ZGPAT: variants seen among roughly 807,000 people sequenced by gnomAD.
ZGPAT encodes the protein zinc finger CCCH-type and G-patch domain containing, also known as zinc finger CCCH-type with G patch domain-containing protein.
In ZGPAT, 39 loss-of-function variants were observed where a neutral mutation model predicts 47.9. The observed-to-expected ratio is 0.81, with a 90% CI of 0.63 to 1.06. ZGPAT has a LOEUF of 1.06. Ranked by LOEUF, ZGPAT falls within the 50% of genes least tolerant of loss-of-function variation. The pLI, the probability that ZGPAT is intolerant of heterozygous loss-of-function variation, is 0.00. For missense variants in ZGPAT, 717 were observed against 681.4 expected (o/e 1.05, Z -0.58); for synonymous variants, 348 against 292.9 (o/e 1.19, Z -1.92).
intron 2 of ZGPAT, among the ~76,000 whole-genome samples, chr20:63,718,991 G>A (rs763044200): frequency 7.9e-5 from 12 of 151,868 alleles, no homozygotes; most frequent in Non-Finnish European, 1.5e-4. Context: ...GCGTGAACCC[G>A]GGAGGTGGAG....
chr20:63,719,103 C>T (rs1337745462), intron 2 of ZGPAT, among the ~76,000 whole-genome samples: 1 of 151,636 alleles, frequency 6.6e-6, no homozygotes, highest in Non-Finnish European at 1.5e-5. Context: ...GCCTTCTGGT[C>T]CAATAGTTTC....
intron 2 of ZGPAT, among the ~76,000 whole-genome samples, chr20:63,724,651 A>G (rs556154832): frequency 4.7e-5 from 7 of 148,436 alleles, no homozygotes; most frequent in African/African-American, 1.7e-4. Context: ...ATTTCCTTTT[A>G]GTCTGAAGAA....
At chr20:63,724,944 G>C (rs2091828267) in intron 2 of ZGPAT, among the ~76,000 whole-genome samples, 1 of 151,208 alleles carries the variant, frequency 6.6e-6, no homozygotes, top group Non-Finnish European at 1.5e-5. Flanking sequence ...CAAAATGCTG[G>C]GATTACCATG....
Position 63,708,821 on chromosome 20 carries a change from G to C in ZGPAT, c.241G>C (p.Ala81Pro), listed in dbSNP as rs189722588. Reference protein sequence around the residue: ...PGRQEDAEYQAFREAITEAVE... With the variant: ...PGRQEDAEYQPFREAITEAVE... ...CCGCCAGGAAGATGCTGAGTACCAG[G>C]CTTTCCGGGAGGCCATCACTGAGGC... Residue 81 changes from alanine (A) to proline (P), a missense_variant, in exon 2 of 7, where the codon GCT (alanine) becomes CCT (proline). Transcript: ENST00000355969. 3.1e-4 allele frequency: 500 copies of C among 1,606,124 alleles called. 1 individual carries two copies. The highest frequency in any genetic ancestry group is 2.4e-4 in the Non-Finnish European group (284 of 1,175,172).
intron 2 of ZGPAT, among the ~76,000 whole-genome samples, chr20:63,710,175 CAG>C (rs770231116): frequency 3.7e-4 from 43 of 116,190 alleles, no homozygotes; most frequent in South Asian, 8.4e-4. Context: ...TTTTTGGAGA[CAG>C]AGTTTCACTC....
chr20:63,708,935 G>A lies in ZGPAT; in HGVS notation c.355G>A (p.Glu119Lys). 1.2e-6 allele frequency: 2 copies of A among 1,613,010 alleles called. No individual in the cohort carries two copies. Among genetic ancestry groups the A allele is most frequent in the Non-Finnish European group, 8.5e-7 (1 of 1,179,942 alleles). ...AGPESAAGGQEEEEGEDEEEL... is the reference protein window; with the variant it reads ...AGPESAAGGQKEEEGEDEEEL... ...GCCAGAATCTGCGGCAGGTGGGCAG[G>A]AGGAGGAAGAGGGAGAGGACGAGGA... The change falls in exon 2 of 7, where the codon GAG becomes AAG. Residue 119 changes from glutamate (E) to lysine (K), a missense_variant. By Grantham distance (56) the Glu-to-Lys change is moderately conservative. Coordinates refer to ENST00000355969, the MANE Select transcript of ZGPAT (RefSeq NM_181485.3).
intron 2 of ZGPAT, among the ~76,000 whole-genome samples, chr20:63,728,117 A>G (rs6011061): frequency 0.055 from 8,178 of 149,888 alleles, 758 homozygotes; most frequent in African/African-American, 0.19. Context: ...GCTCACTGCA[A>G]CCTCCACCTC....
chr20:63,714,648 G>C (rs896534533), intron 2 of ZGPAT, among the ~76,000 whole-genome samples: 4 of 151,532 alleles, frequency 2.6e-5, no homozygotes, highest in East Asian at 1.9e-4. Context: ...AAAGGGTGTT[G>C]ATTTTTTTTT....
At chr20:63,710,922 G>T (rs796507405) in intron 2 of ZGPAT, among the ~76,000 whole-genome samples, 2 of 151,976 alleles carry the variant, frequency 1.3e-5, no homozygotes, top group African/African-American at 4.8e-5. Context: ...TCTCTTAGAA[G>T]AAATATTTAC....
intron 2 of ZGPAT, among the ~76,000 whole-genome samples, chr20:63,723,547 C>T (rs1409941990): frequency 8.7e-6 from 1 of 114,564 alleles, no homozygotes; most frequent in Admixed American, 8.7e-5. Context: ...CTCCATCCTC[C>T]CTTCTCCTCT....
chr20:63,714,603 T>C (rs2091707044), intron 2 of ZGPAT, among the ~76,000 whole-genome samples: 1 of 152,084 alleles, frequency 6.6e-6, no homozygotes, highest in Admixed American at 6.6e-5. Flanking sequence ...GGAAATTCTC[T>C]TATATTCATA....
intron 2 of ZGPAT, among the ~76,000 whole-genome samples, chr20:63,732,433 G>A (rs1382529549): frequency 2.7e-5 from 1 of 36,942 alleles, no homozygotes; most frequent in African/African-American, 1.1e-4. Context: ...AGAGATGTGT[G>A]CGCATGTGTG....
chr20:63,733,865 A>G, intron 4 of ZGPAT, 126 bp downstream of exon 4: 1 of 1,327,394 alleles, frequency 7.5e-7, no homozygotes, highest in Non-Finnish European at 1.0e-6. Context: ...CGAGGGTGCC[A>G]CCTGTGCCTG....
intron 2 of ZGPAT, among the ~76,000 whole-genome samples, chr20:63,711,820 T>G (rs1193042042): frequency 1.3e-5 from 2 of 152,124 alleles, no homozygotes; most frequent in Non-Finnish European, 1.5e-5. Flanking sequence ...ACTCTTGACC[T>G]CAGGTGATCC....
intron 2 of ZGPAT, among the ~76,000 whole-genome samples, chr20:63,720,646 G>T (rs1450421363): frequency 1.3e-5 from 2 of 151,274 alleles, no homozygotes; most frequent in Non-Finnish European, 2.9e-5. Context: ...TAGACACAGG[G>T]TCTTGCTACA....
At chr20:63,719,843 T>G (rs1008746981) in intron 2 of ZGPAT, among the ~76,000 whole-genome samples, 2 of 150,510 alleles carry the variant, frequency 1.3e-5, no homozygotes, top group Non-Finnish European at 3.0e-5. Flanking sequence ...TGGGTTCAAG[T>G]GATTCTCCTG....
intron 2 of ZGPAT, among the ~76,000 whole-genome samples, chr20:63,714,498 T>C (rs796411363): frequency 1.6e-4 from 24 of 152,188 alleles, no homozygotes; most frequent in African/African-American, 5.8e-4. Flanking sequence ...TGGAAAACTT[T>C]TTTGTTCCTG....
At chr20:63,719,874 G>A (rs1404473974) in intron 2 of ZGPAT, among the ~76,000 whole-genome samples, 2 of 151,560 alleles carry the variant, frequency 1.3e-5, no homozygotes, top group African/African-American at 4.8e-5. Context: ...CCAAGTAGCT[G>A]GGATTATAGG....
intron 2 of ZGPAT, among the ~76,000 whole-genome samples, chr20:63,719,857 C>T (rs1014992397): frequency 6.6e-6 from 1 of 151,734 alleles, no homozygotes; most frequent in African/African-American, 2.4e-5. Context: ...TCTCCTGCCT[C>T]AGCCTCCCAA....
Sources: gnomAD v4.1 joint callset for allele counts (sites outside exome capture counted in the v4.1 genomes callset) on GRCh38, gnomAD v4.1.1 for gene constraint, MANE v1.5 for transcripts, NCBI Gene and HGNC (gene_info 2026-07-23, HGNC 2026-07-21) for gene names.